Variants in CYSTM1 observed in about 807,000 individuals in gnomAD.
CYSTM1 encodes cysteine rich transmembrane module containing 1.
Under a neutral mutation model 13.1 loss-of-function variants are expected in CYSTM1, and 4 were observed. The observed-to-expected ratio is 0.31, with a 90% CI of 0.15 to 0.70. The LOEUF is 0.70. CYSTM1 is among the 30% of genes least tolerant of loss of function. The pLI, the probability that CYSTM1 is intolerant of heterozygous loss-of-function variation, is 0.72. For synonymous variants in CYSTM1, 36 were observed against 42.7 expected (o/e 0.84, Z 0.62); for missense variants, 96 against 121.6 (o/e 0.79, Z 0.99).
At chr5:140,194,331 C>A in intron 1 of CYSTM1, 115 bp from the exon 2 acceptor site, 1 of 991,984 alleles carries the variant, frequency 1.0e-6, no homozygotes, top group Non-Finnish European at 1.4e-6. Flanking sequence ...TAGAGATTTG[C>A]ACAAGGCTTG....
At chr5:140,216,854 G>T (rs1259677618) in intron 2 of CYSTM1, among the ~76,000 whole-genome samples, 1 of 151,764 alleles carries the variant, frequency 6.6e-6, no homozygotes, top group African/African-American at 2.4e-5. Context: ...GCTTTCTGAA[G>T]TAAGGGGAGG....
At position 140,221,541 on chromosome 5, in the gene CYSTM1, G is replaced by T. The variant is rs543835794; in HGVS notation, c.188-21764G>T. Among the ~76,000 whole-genome samples, 4 of 152,342 alleles carry T rather than the reference G, an allele frequency of 2.6e-5. No individual in the cohort carries two copies. The South Asian group carries it at 8.3e-4, about 32-fold the overall frequency. Reference sequence around the variant, plus strand: ...AAGATTCATCCATGCTGTAGCGTGTGTCAGGATTTCCTTCCTTTTTTAGAC... The same window carrying T: ...AAGATTCATCCATGCTGTAGCGTGTTTCAGGATTTCCTTCCTTTTTTAGAC... On this transcript the variant is annotated intron_variant, in intron 2 of 2. Coordinates refer to ENST00000261811, the MANE Select transcript of CYSTM1 (RefSeq NM_032412.4).
chr5:140,179,514 T>C (rs11750863), intron 1 of CYSTM1, among the ~76,000 whole-genome samples: 115,181 of 151,112 alleles, frequency 0.76, 44,207 homozygotes, highest in African/African-American at 0.82. Context: ...GAGCCAAGAT[T>C]GTGCCACTGC....
chr5:140,208,931 C>T (rs1013998471), intron 2 of CYSTM1, among the ~76,000 whole-genome samples: 2 of 150,740 alleles, frequency 1.3e-5, no homozygotes, highest in South Asian at 2.1e-4. Flanking sequence ...CCCAGCTACT[C>T]GGGAAGCTGA....
chr5:140,190,844 A>G (rs1467153388), intron 1 of CYSTM1, among the ~76,000 whole-genome samples: 1 of 152,196 alleles, frequency 6.6e-6, no homozygotes, highest in African/African-American at 2.4e-5. Flanking sequence ...TTTGTCTTTA[A>G]TGCTACAATT....
At chr5:140,187,189 T>G (rs1252951135) in intron 1 of CYSTM1, among the ~76,000 whole-genome samples, 1 of 149,996 alleles carries the variant, frequency 6.7e-6, no homozygotes, top group Non-Finnish European at 1.5e-5. Context: ...TTTTTTTACC[T>G]GAACAAACTG....
intron 2 of CYSTM1, among the ~76,000 whole-genome samples, chr5:140,220,957 T>C (rs1408028270): frequency 6.6e-6 from 1 of 152,226 alleles, no homozygotes; most frequent in East Asian, 1.9e-4. Context: ...TACAGAGTTT[T>C]GCCTGCTGTG....
intron 2 of CYSTM1, among the ~76,000 whole-genome samples, chr5:140,198,529 A>G (rs1446588603): frequency 6.6e-6 from 1 of 152,222 alleles, no homozygotes; most frequent in African/African-American, 2.4e-5. Flanking sequence ...CATGACAACT[A>G]GCTTCCAATA....
chr5:140,238,421 CAGA>C (rs1185458747), intron 2 of CYSTM1, among the ~76,000 whole-genome samples: 31 of 152,216 alleles, frequency 2.0e-4, no homozygotes, highest in East Asian at 1.9e-3. Context: ...CCTGGAAGGA[CAGA>C]AGCTGGGCTG....
intron 1 of CYSTM1, among the ~76,000 whole-genome samples, chr5:140,181,162 A>G (rs970665266): frequency 6.6e-6 from 1 of 152,226 alleles, no homozygotes; most frequent in Admixed American, 6.5e-5. Flanking sequence ...TCAGTTTCAG[A>G]ATCTTAGGCA....
rs1184326665 is a variant in CYSTM1, at chr5:140,230,116, T to C, written c.188-13189T>C. Among the ~76,000 whole-genome samples the C allele has an allele frequency of 6.6e-6, 1 of 152,066 alleles. No individual in the cohort carries two copies. The highest frequency in any genetic ancestry group is 1.5e-5 in the Non-Finnish European group (1 of 68,000). On this transcript the variant is annotated intron_variant, in intron 2 of 2. Coordinates refer to ENST00000261811, the MANE Select transcript of CYSTM1 (RefSeq NM_032412.4). The surrounding 1 kb of genome is among the most constrained non-coding windows in gnomAD (Gnocchi z 4.1). ...CGAACTCCTGACCTCAGGTGATCCA[T>C]CCATCTCAGCCTCCCAAAGTGCTGG...
At chr5:140,234,478 A>G (rs1276842003) in intron 2 of CYSTM1, among the ~76,000 whole-genome samples, 2 of 152,206 alleles carry the variant, frequency 1.3e-5, no homozygotes, top group African/African-American at 2.4e-5. Flanking sequence ...CATTAAATCT[A>G]TAGATCATCA....
intron 2 of CYSTM1, among the ~76,000 whole-genome samples, chr5:140,217,151 T>G (rs1306483280): frequency 6.6e-6 from 1 of 152,156 alleles, no homozygotes; most frequent in Non-Finnish European, 1.5e-5. Flanking sequence ...TTGAAATGAG[T>G]CCATTTGCTA....
chr5:140,189,723 A>G (rs1200665919), intron 1 of CYSTM1, among the ~76,000 whole-genome samples: 3 of 152,192 alleles, frequency 2.0e-5, no homozygotes, highest in East Asian at 1.9e-4. Context: ...TGGGACTATT[A>G]TAAATAAAAC....
At chr5:140,186,335 T>C (rs1764015641) in intron 1 of CYSTM1, among the ~76,000 whole-genome samples, 1 of 152,208 alleles carries the variant, frequency 6.6e-6, no homozygotes, top group Non-Finnish European at 1.5e-5. Flanking sequence ...AGCAAGGCTG[T>C]TTATGAGCTG....
chr5:140,226,270 T>C (rs1764548014), intron 2 of CYSTM1, among the ~76,000 whole-genome samples: 1 of 151,612 alleles, frequency 6.6e-6, no homozygotes, highest in Admixed American at 6.6e-5. Context: ...TTATTACCTG[T>C]CCAAGGTTAC....
intron 2 of CYSTM1, among the ~76,000 whole-genome samples, chr5:140,233,889 G>A (rs1764647631): frequency 6.6e-6 from 1 of 152,078 alleles, no homozygotes; most frequent in African/African-American, 2.4e-5. Flanking sequence ...GCTGTGATTT[G>A]CACATATTTT....
chr5:140,187,074 C>T (rs766246003), intron 1 of CYSTM1, among the ~76,000 whole-genome samples: 15 of 151,980 alleles, frequency 9.9e-5, no homozygotes, highest in Non-Finnish European at 8.8e-5. Context: ...TGTAGTGAGC[C>T]GAGATCGCAC....
chr5:140,237,343 G>A (rs1764694570), intron 2 of CYSTM1, among the ~76,000 whole-genome samples: 1 of 152,208 alleles, frequency 6.6e-6, no homozygotes, highest in Non-Finnish European at 1.5e-5. Context: ...CCACATTTCA[G>A]GTCACATGCA....
Sources: allele counts gnomAD v4.1 joint callset (sites outside exome capture counted in the v4.1 genomes callset), GRCh38; gene constraint gnomAD v4.1.1; non-coding constraint Gnocchi (gnomAD v3.1); transcripts MANE v1.5; gene names NCBI Gene and HGNC (gene_info 2026-07-23, HGNC 2026-07-21).